The following TWF1 variants were observed in gnomAD, a reference collection of about 807,000 sequenced individuals.
TWF1 encodes the protein twinfilin-1.
In TWF1, 14 loss-of-function variants were observed where a neutral mutation model predicts 47.9. That is an observed-to-expected ratio of 0.29 (90% CI 0.19 to 0.46). The LOEUF is 0.46. Among genes scored for constraint, TWF1 ranks in the 20% least tolerant of loss-of-function variants. The pLI is 1.00. For missense variants in TWF1, 281 were observed against 409.3 expected, an observed-to-expected ratio of 0.69 and a Z score of 2.70; for synonymous variants, 96 against 139.2, an observed-to-expected ratio of 0.69 and a Z score of 2.18.
Position 43,793,982 on chromosome 12 carries a change from TTAATG to T in TWF1, c.*1598_*1602del, listed in dbSNP as rs1456276216. ...CTATATTCTGGAATGTCCATTTACT[TTAATG>T]TAGTGTAGTGGAATTTAGAGTATAA... On this transcript the variant is annotated 3_prime_UTR_variant, in exon 9 of 9. Transcript: ENST00000395510. 4 of 152,670 alleles carry T rather than the reference TTAATG, an allele frequency of 2.6e-5. No homozygotes were observed. The highest frequency in any genetic ancestry group is 1.5e-5 in the Non-Finnish European group (1 of 68,042). The allele number at this position is 152,670 out of a possible 1,614,324, so 9.5% of individuals were successfully genotyped here. A position where few individuals can be genotyped will look rare whatever the true frequency, so the allele number is the denominator to read the frequency against.
At chr12:43,805,509 T>C (rs1010613136) in intron 1 of TWF1, 4 of 455,940 alleles carry the variant, frequency 8.8e-6, no homozygotes, top group African/African-American at 8.0e-5. Context: ...ATTTGACTCT[T>C]GATGAGGTGA....
chr12:43,795,855 T>G (rs774478092), intron 8 of TWF1, 100 bp from the exon 9 acceptor site: 178 of 1,182,572 alleles, frequency 1.5e-4, no homozygotes, highest in Non-Finnish European at 2.0e-4. Flanking sequence ...CCCTTTCCAG[T>G]AAGGCAGAAT....
intron 1 of TWF1, 164 bp downstream of exon 1, chr12:43,806,056 GC>G (rs1565703401): frequency 6.6e-7 from 1 of 1,518,512 alleles, no homozygotes; most frequent in South Asian, 1.2e-5. Context: ...GGCCGGCAGC[GC>G]CCGGGAAGCA....
At chr12:43,804,214 C>T (rs758932211) in intron 2 of TWF1, 6 of 471,792 alleles carry the variant, frequency 1.3e-5, no homozygotes, top group Non-Finnish European at 2.5e-5. Flanking sequence ...GAAGCACTGA[C>T]ATTAGAAATG....
intron 4 of TWF1, 70 bp downstream of exon 4, chr12:43,800,365 C>G (rs1942636760): frequency 9.3e-7 from 1 of 1,071,852 alleles, no homozygotes; most frequent in Non-Finnish European, 1.4e-6. Flanking sequence ...GTATCAATTA[C>G]CCATTACCTA....
intron 5 of TWF1, chr12:43,798,487 T>TA (rs1171868311): frequency 3.2e-5 from 45 of 1,406,076 alleles, no homozygotes; most frequent in Non-Finnish European, 4.0e-5. Flanking sequence ...ATTTTACTTT[T>TA]AAAAAAATGA....
chr12:43,799,251 G>A (rs779776200), intron 5 of TWF1, 147 bp downstream of exon 5: 7 of 466,966 alleles, frequency 1.5e-5, no homozygotes, highest in Non-Finnish European at 2.3e-5. Flanking sequence ...AAGGCATTAA[G>A]CACATAGCCT....
At chr12:43,806,010 G>A in intron 1 of TWF1, 2 of 1,525,634 alleles carry the variant, frequency 1.3e-6, no homozygotes, top group South Asian at 1.2e-5. Context: ...AATCTGCAAC[G>A]TGACGGCAGC....
In TWF1 at chr12:43,806,161, C is replaced by G. The variant is rs919839735; in HGVS notation, c.25+60G>C. The stretch of plus-strand genomic sequence containing the variant: ...CCAGCCCTGCCGGTCCTGCAGCCCT[C>G]CCGGCTCTCCCGGCTCTCCCGGAAG... On this transcript the variant is annotated intron_variant, in intron 1 of 8. Transcript: ENST00000395510. 11 of 1,534,710 alleles carry G rather than the reference C, an allele frequency of 7.2e-6. No individual in the cohort carries two copies. The Admixed American group carries it at 2.2e-4, about 30-fold the overall frequency.
chr12:43,805,867 C>A (rs1408912468), intron 1 of TWF1: 2 of 1,432,172 alleles, frequency 1.4e-6, no homozygotes. Context: ...CCAGTCGCCT[C>A]CACTGTCCCA....
At chr12:43,804,717 T>A (rs932377856) in intron 1 of TWF1, 145 bp from the exon 2 acceptor site, 1 of 536,560 alleles carries the variant, frequency 1.9e-6, no homozygotes, top group African/African-American at 2.0e-5. Context: ...CTTTACCGCA[T>A]AAAATAACGA....
At chr12:43,800,237 G>A (rs573867971) in intron 4 of TWF1, among the ~76,000 whole-genome samples, 198 bp downstream of exon 4, 1 of 152,080 alleles carries the variant, frequency 6.6e-6, no homozygotes, top group African/African-American at 2.4e-5. Context: ...ACTTGTCAAT[G>A]TCAAATAGAT....
At chr12:43,800,899 C>A (rs377439619) in intron 3 of TWF1, among the ~76,000 whole-genome samples, 1 of 151,956 alleles carries the variant, frequency 6.6e-6, no homozygotes, top group Non-Finnish European at 1.5e-5. Context: ...TATAGGTGTG[C>A]GCCACCACAC....
At chr12:43,799,616 G>T in intron 4 of TWF1, 114 bp from the exon 5 acceptor site, 2 of 542,808 alleles carry the variant, frequency 3.7e-6, no homozygotes, top group Non-Finnish European at 6.1e-6. Flanking sequence ...AAAATAAATA[G>T]CATTATGAAT....
chr12:43,804,426 C>T, intron 2 of TWF1, 69 bp downstream of exon 2: 1 of 960,352 alleles, frequency 1.0e-6, no homozygotes, highest in Non-Finnish European at 1.6e-6. Flanking sequence ...ACTGACAACA[C>T]ACAGTAAGTT....
rs1942678805 is a variant in TWF1 at position 43,802,466 on chromosome 12, T to C, written c.104-2A>G. The C allele has an allele frequency of 6.3e-7, 1 of 1,598,318 alleles. No homozygotes were observed. Among genetic ancestry groups the C allele is most frequent in the African/African-American group, 1.4e-5 (1 of 73,958 alleles). On this transcript the variant is annotated splice_acceptor_variant, in intron 2 of 8. Coordinates refer to ENST00000395510, the MANE Select transcript of TWF1 (RefSeq NM_002822.5). LOFTEE classifies it high-confidence loss of function. ...TATATGATCCAATCACAAGTTGCTC[T>C]ATGAAAAATTATTTTTAGAAAGATA... is the stretch of plus-strand genomic sequence containing the variant.
At chr12:43,805,936 G>A in intron 1 of TWF1, 1 of 1,527,718 alleles carries the variant, frequency 6.5e-7, no homozygotes, top group Non-Finnish European at 8.8e-7. Context: ...ACGGTGGAAG[G>A]CACGCCCCCT....
chr12:43,806,056 G>A (rs980820117), intron 1 of TWF1, 165 bp downstream of exon 1: 3 of 1,518,512 alleles, frequency 2.0e-6, no homozygotes, highest in South Asian at 2.4e-5. Flanking sequence ...GGCCGGCAGC[G>A]CCCGGGAAGC....
chr12:43,797,353 G>A lies in TWF1; in HGVS notation c.709C>T (p.His237Tyr), dbSNP rs1377582920. 11 of 1,605,508 alleles carry A rather than the reference G, an allele frequency of 6.9e-6. No individual in the cohort carries two copies. The highest frequency in any genetic ancestry group is 9.3e-6 in the Non-Finnish European group (11 of 1,176,612). Residue 237 changes from histidine (H) to tyrosine (Y), a missense_variant, in exon 7 of 9, where the codon CAT becomes TAT. By Grantham distance (83) the His-to-Tyr change is moderately conservative. Coordinates refer to ENST00000395510, the MANE Select transcript of TWF1 (RefSeq NM_002822.5). ...TGGGAATGTTTATACAGAAAGAAAT[G>A]GTAACGAGCTGAATCCTTGGGAATC... ...KRIPKDSARY[H>Y]FFLYKHSHEG...
Sources: gnomAD v4.1 joint callset for allele counts (sites outside exome capture counted in the v4.1 genomes callset) on GRCh38, gnomAD v4.1.1 for gene constraint, MANE v1.5 for transcripts, NCBI Gene and HGNC (gene_info 2026-07-23, HGNC 2026-07-21) for gene names.